The following CDH12 variants were observed in gnomAD, a reference collection of about 807,000 sequenced individuals.
The protein encoded by CDH12 is cadherin 12, also known as cadherin-12.
CDH12 carries 41 observed loss-of-function variants against 74.1 expected under a neutral mutation model. The ratio of observed to expected loss-of-function variants is 0.55; its 90% CI spans 0.43 to 0.72. CDH12 has a LOEUF of 0.72. CDH12 is among the 30% of genes least tolerant of loss of function. CDH12 has a pLI of 0.00. For synonymous variants in CDH12, 399 were observed against 355.0 expected, an observed-to-expected ratio of 1.12 and a Z score of -1.39; for missense variants, 945 against 977.2, an observed-to-expected ratio of 0.97 and a Z score of 0.44.
chr5:21,903,075 G>A (rs1753473750), intron 6 of CDH12, among the ~76,000 whole-genome samples: 1 of 151,928 alleles, frequency 6.6e-6, no homozygotes, highest in Non-Finnish European at 1.5e-5. Flanking sequence ...CAACCATTAG[G>A]TGCTGCTCTC....
At chr5:21,838,011 C>G (rs1749636694) in intron 8 of CDH12, among the ~76,000 whole-genome samples, 1 of 151,998 alleles carries the variant, frequency 6.6e-6, no homozygotes. Context: ...TGCAGATGTG[C>G]TCTAAGATTG....
intron 6 of CDH12, among the ~76,000 whole-genome samples, chr5:21,939,883 C>T (rs1755253176): frequency 6.6e-6 from 1 of 151,886 alleles, no homozygotes; most frequent in Non-Finnish European, 1.5e-5. Context: ...AAAAGATATT[C>T]AAAAAGTGGT....
chr5:22,340,274 C>T (rs1430643900), intron 3 of CDH12, among the ~76,000 whole-genome samples: 3 of 152,124 alleles, frequency 2.0e-5, no homozygotes, highest in African/African-American at 7.2e-5. Context: ...CGCCTGTAAC[C>T]CCAGCACTTT....
chr5:21,857,223 T>A (rs1750801618), intron 6 of CDH12, among the ~76,000 whole-genome samples: 1 of 151,858 alleles, frequency 6.6e-6, no homozygotes, highest in Non-Finnish European at 1.5e-5. Context: ...GGGGCATGTT[T>A]AATGTGCCAC....
rs1742519961 is a variant in CDH12, at chr5:22,078,871, T to C, written c.-186-9A>G. On this transcript the variant is annotated splice_polypyrimidine_tract_variant and intron_variant, in intron 4 of 14. Coordinates refer to ENST00000382254, the MANE Select transcript of CDH12 (RefSeq NM_004061.5). ...ATTCCATCTAAAGGGGCCTATGAAA[T>C]AGATGAACAAAGATACATTAAATTA... The C allele has an allele frequency of 7.6e-7, 1 of 1,317,950 alleles. No homozygotes were observed. The highest frequency in any genetic ancestry group is 9.7e-7 in the Non-Finnish European group (1 of 1,029,074). The allele number at this position is 1,317,950 out of a possible 1,614,324, so 81.6% of individuals were successfully genotyped here.
chr5:22,684,614 G>A (rs1345478601), intron 1 of CDH12, among the ~76,000 whole-genome samples: 1 of 152,198 alleles, frequency 6.6e-6, no homozygotes, highest in African/African-American at 2.4e-5. Context: ...ACGCGTAGGA[G>A]AATCTAGACT....
intron 3 of CDH12, among the ~76,000 whole-genome samples, chr5:22,257,165 C>T (rs115191736): frequency 0.018 from 2,700 of 152,090 alleles, 31 homozygotes; most frequent in Middle Eastern, 0.024. Flanking sequence ...CACACTGGGG[C>T]CTTTCAGAAA....
At chr5:22,186,787 T>G (rs1749977527) in intron 4 of CDH12, among the ~76,000 whole-genome samples, 1 of 152,104 alleles carries the variant, frequency 6.6e-6, no homozygotes, top group Non-Finnish European at 1.5e-5. Flanking sequence ...TTTATATACC[T>G]GCAAAAGACA....
At chr5:22,034,013 A>G (rs1191753841) in intron 5 of CDH12, among the ~76,000 whole-genome samples, 2 of 152,136 alleles carry the variant, frequency 1.3e-5, no homozygotes, top group Non-Finnish European at 2.9e-5. Flanking sequence ...ATACATATTT[A>G]AAGAAAGTTG....
intron 5 of CDH12, among the ~76,000 whole-genome samples, chr5:22,073,001 TAAG>T (rs1350353899): frequency 6.6e-6 from 1 of 152,102 alleles, no homozygotes; most frequent in Non-Finnish European, 1.5e-5. Flanking sequence ...ATAGCAATAA[TAAG>T]AAGATCAGTC....
chr5:22,448,234 AT>A (rs1452249199), intron 2 of CDH12, among the ~76,000 whole-genome samples: 2 of 151,784 alleles, frequency 1.3e-5, no homozygotes, highest in East Asian at 3.9e-4. Flanking sequence ...GTTTAAAAAC[AT>A]TTTTTAAGTA....
intron 1 of CDH12, among the ~76,000 whole-genome samples, chr5:22,849,992 A>G (rs1581061352): frequency 6.6e-6 from 1 of 152,072 alleles, no homozygotes; most frequent in South Asian, 2.1e-4. Flanking sequence ...CTTGTTTTCA[A>G]TAATTTAACA....
intron 1 of CDH12, among the ~76,000 whole-genome samples, chr5:22,628,072 C>T (rs538113980): frequency 1.8e-4 from 28 of 152,180 alleles, no homozygotes; most frequent in African/African-American, 6.7e-4. Flanking sequence ...TATACATATG[C>T]ACCCAACAAA....
intron 1 of CDH12, among the ~76,000 whole-genome samples, chr5:22,706,069 T>G (rs922147156): frequency 6.6e-6 from 1 of 152,108 alleles, no homozygotes; most frequent in Non-Finnish European, 1.5e-5. Context: ...AATTGGTATC[T>G]CAAAGCATTA....
At chr5:22,832,214 T>G (rs1467746006) in intron 1 of CDH12, among the ~76,000 whole-genome samples, 1 of 152,220 alleles carries the variant, frequency 6.6e-6, no homozygotes, top group Non-Finnish European at 1.5e-5. Flanking sequence ...GGCACCTTCA[T>G]ATACAGAATG....
At chr5:22,208,846 T>C (rs1318055745) in intron 4 of CDH12, among the ~76,000 whole-genome samples, 2 of 152,256 alleles carry the variant, frequency 1.3e-5, no homozygotes, top group Non-Finnish European at 2.9e-5. Flanking sequence ...ATCATATTCA[T>C]TCTTTTGGAA....
intron 6 of CDH12, among the ~76,000 whole-genome samples, chr5:21,879,540 C>T (rs1014551703): frequency 5.3e-5 from 8 of 152,262 alleles, no homozygotes; most frequent in South Asian, 4.1e-4. Context: ...GTGAAAGCTA[C>T]GGCTCTTAAT....
chr5:22,648,930 A>G (rs1163171419), intron 1 of CDH12, among the ~76,000 whole-genome samples: 2 of 151,990 alleles, frequency 1.3e-5, no homozygotes, highest in African/African-American at 4.8e-5. Flanking sequence ...TAAGATGGAC[A>G]AATGTGATAA....
chr5:22,064,025 A>T (rs1308041705), intron 5 of CDH12, among the ~76,000 whole-genome samples: 1 of 151,646 alleles, frequency 6.6e-6, no homozygotes, highest in Admixed American at 6.6e-5. Context: ...ACACACAAAC[A>T]CACACACACA....
Sources: gnomAD v4.1 joint callset for allele counts (sites outside exome capture counted in the v4.1 genomes callset) on GRCh38, gnomAD v4.1.1 for gene constraint, MANE v1.5 for transcripts, NCBI Gene and HGNC (gene_info 2026-07-23, HGNC 2026-07-21) for gene names.